RNFT2: variants seen among roughly 807,000 people sequenced by gnomAD.
RNFT2 encodes ring finger protein, transmembrane 2, also known as E3 ubiquitin-protein ligase RNFT2.
A neutral mutation model predicts 53.0 loss-of-function variants in RNFT2; 36 were observed. The observed-to-expected ratio is 0.68, with a 90% confidence interval of 0.52 to 0.90. The LOEUF (loss-of-function observed/expected upper bound fraction) is 0.90, where lower values mean the gene tolerates loss of function less well. Ranked by LOEUF, RNFT2 falls within the 40% of genes least tolerant of loss-of-function variation. RNFT2 has a pLI of 0.00. For missense variants in RNFT2, 514 were observed against 585.6 expected (o/e 0.88, Z 1.26); for synonymous variants, 260 against 253.2 (o/e 1.03, Z -0.26).
At chr12:116,806,615 G>A (rs936845851) in intron 7 of RNFT2, among the ~76,000 whole-genome samples, 5 of 151,556 alleles carry the variant, frequency 3.3e-5, no homozygotes, top group East Asian at 1.9e-4. Context: ...AGCTGAGCAC[G>A]GCGGTGCACA....
chr12:116,780,131 C>T (rs1481724400), intron 7 of RNFT2, among the ~76,000 whole-genome samples: 2 of 152,176 alleles, frequency 1.3e-5, no homozygotes, highest in East Asian at 1.9e-4. Flanking sequence ...AAGTGACCAT[C>T]GATCTTGAGT....
At chr12:116,834,151 C>T (rs1196496165) in intron 8 of RNFT2, among the ~76,000 whole-genome samples, 1 of 152,152 alleles carries the variant, frequency 6.6e-6, no homozygotes, top group Non-Finnish European at 1.5e-5. Context: ...TAGAGTCTCA[C>T]TCTGTCTCCC....
Position 116,751,130 on chromosome 12 carries a change from G to A in RNFT2, c.550+823G>A, listed in dbSNP as rs563912994. 2.3e-4 allele frequency among the ~76,000 whole-genome samples: 34 copies of A among 151,038 alleles called. No individual in the cohort carries two copies. In the Middle Eastern group the frequency reaches 0.01, roughly 46 times the overall value. On this transcript the variant is annotated intron_variant, in intron 4 of 10. Coordinates refer to ENST00000257575, the MANE Select transcript of RNFT2 (RefSeq NM_001382266.1). ...GAAGTCTCACTATATTGCCCAGGCT[G>A]GTCTCAAATTCCTGGGCTCAAGCAA...
intron 4 of RNFT2, 30 bp downstream of exon 4, chr12:116,750,337 C>A: frequency 6.4e-7 from 1 of 1,567,890 alleles, no homozygotes; most frequent in Admixed American, 1.8e-5. Context: ...GTGTCCTAGC[C>A]ATGGGCTTCA....
chr12:116,754,204 T>A, intron 5 of RNFT2, 144 bp downstream of exon 5: 2 of 667,108 alleles, frequency 3.0e-6, no homozygotes, highest in South Asian at 3.4e-5. Flanking sequence ...CACATATCAG[T>A]GAGAACGTAC....
At position 116,841,948 on chromosome 12, in the gene RNFT2, A is replaced by AAT. The variant is rs1337261582; in HGVS notation, c.1200+5676_1200+5677dup. Among the ~76,000 whole-genome samples the AAT allele has an allele frequency of 3.5e-3, 79 of 22,612 alleles. 2 individuals are homozygous for AAT. Among genetic ancestry groups the AAT allele is most frequent in the Admixed American group, 5.5e-3 (6 of 1,100 alleles). The allele number at this position is 22,612 out of a possible 152,430, so 14.8% of individuals were successfully genotyped here. Reference sequence around the variant, plus strand: ...ATATATATATATAAATATATATATAAATATATATATAGAGAGAGAGAGAGA... The same window carrying AAT: ...ATATATATATATAAATATATATATAAATATATATATATAGAGAGAGAGAGAGA... On this transcript the variant is annotated intron_variant, in intron 10 of 10. Coordinates refer to ENST00000257575, the MANE Select transcript of RNFT2 (RefSeq NM_001382266.1).
At chr12:116,753,654 G>A (rs4612912) in intron 4 of RNFT2, among the ~76,000 whole-genome samples, 144,088 of 152,174 alleles carry the variant, frequency 0.95, 68,223 homozygotes, top group Admixed American at 0.96. Flanking sequence ...AGAGAGGTGC[G>A]GTGACTTGCC....
chr12:116,823,090 A>G (rs952022912), intron 7 of RNFT2, among the ~76,000 whole-genome samples: 2 of 152,212 alleles, frequency 1.3e-5, no homozygotes, highest in African/African-American at 2.4e-5. Context: ...GGATCCAGGA[A>G]TCCTTGAAGC....
Position 116,766,774 on chromosome 12 carries a change from A to G in RNFT2, c.628-40A>G, listed in dbSNP as rs372398448. 15 of 1,471,250 alleles carry G rather than the reference A, an allele frequency of 1.0e-5. No individual in the cohort carries two copies. In the African/African-American group the frequency reaches 1.8e-4, roughly 18 times the overall value. 91.1% of individuals were successfully genotyped at this position (1,471,250 alleles called of 1,614,324 possible). On this transcript the variant is annotated intron_variant, in intron 5 of 10. Coordinates refer to ENST00000257575, the MANE Select transcript of RNFT2 (RefSeq NM_001382266.1). Reference sequence around the variant, plus strand: ...GGTACATTCTGGAAGGTTCTGCCACATGCACCTTTGATATCACATATCTCT... The same window carrying G: ...GGTACATTCTGGAAGGTTCTGCCACGTGCACCTTTGATATCACATATCTCT...
At chr12:116,785,249 C>CGTGTGTGTGTGTGTGTGTGTG (rs71442998) in intron 7 of RNFT2, among the ~76,000 whole-genome samples, 11 of 139,082 alleles carry the variant, frequency 7.9e-5, no homozygotes, top group African/African-American at 3.0e-4. Context: ...TTACCTACTT[C>CGTGTGTGTGTGTGTGTGTGTG]TGTGTGTGTG....
intron 6 of RNFT2, among the ~76,000 whole-genome samples, chr12:116,778,903 A>G (rs1310890228): frequency 6.6e-6 from 1 of 152,190 alleles, no homozygotes; most frequent in East Asian, 1.9e-4. Flanking sequence ...TACCCAGCCT[A>G]AGGTATTCTG....
chr12:116,789,997 C>A (rs1874160936), intron 7 of RNFT2, among the ~76,000 whole-genome samples: 2 of 83,560 alleles, frequency 2.4e-5, no homozygotes, highest in South Asian at 3.8e-4. Flanking sequence ...GATGGATAGT[C>A]TAATCAGTTG....
chr12:116,740,983 A>G, intron 2 of RNFT2, 53 bp from the exon 3 acceptor site: 1 of 1,501,652 alleles, frequency 6.7e-7, no homozygotes, highest in Non-Finnish European at 9.2e-7. Flanking sequence ...TGGCAATCTG[A>G]CAGGCAGTGG....
chr12:116,794,380 T>C (rs529037076), intron 7 of RNFT2, among the ~76,000 whole-genome samples: 251 of 151,568 alleles, frequency 1.7e-3, no homozygotes, highest in African/African-American at 5.9e-3. Context: ...GGCGGATCCC[T>C]TGAGGTCAGG....
intron 7 of RNFT2, among the ~76,000 whole-genome samples, chr12:116,828,477 C>A (rs1211600300): frequency 1.3e-5 from 2 of 152,162 alleles, no homozygotes; most frequent in Non-Finnish European, 2.9e-5. Context: ...CTCACATTCA[C>A]CTCTAGCAGA....
At chr12:116,757,701 T>A (rs2137085458) in intron 5 of RNFT2, among the ~76,000 whole-genome samples, 1 of 152,348 alleles carries the variant, frequency 6.6e-6, no homozygotes, top group Middle Eastern at 3.4e-3. Flanking sequence ...TGATATAATT[T>A]CAATTTTCTT....
At position 116,849,416 on chromosome 12, in the gene RNFT2, G is replaced by A. The variant is rs767636195; in HGVS notation, c.1303G>A (p.Gly435Ser). ...GGACACCCTGCGCTGCTGGAAGGACGGCGCCACGTCCGCACACTTCCAGGT... is the reference window on the plus strand; with the variant it reads ...GGACACCCTGCGCTGCTGGAAGGACAGCGCCACGTCCGCACACTTCCAGGT... ...AVDTLRCWKD[G>S]ATSAHFQVY Residue 435 changes from glycine to serine, a missense_variant, in exon 11 of 11, where the codon GGC becomes AGC. Coordinates refer to ENST00000257575, the MANE Select transcript of RNFT2 (RefSeq NM_001382266.1). 14 of 1,587,708 alleles carry A rather than the reference G, an allele frequency of 8.8e-6. No homozygotes were observed. The highest frequency in any genetic ancestry group is 8.7e-5 in the Admixed American group (5 of 57,318).
chr12:116,747,063 TACTTA>T (rs745792964), intron 3 of RNFT2, among the ~76,000 whole-genome samples: 177 of 152,316 alleles, frequency 1.2e-3, no homozygotes, highest in Non-Finnish European at 2.0e-3. Flanking sequence ...TTTATTCATT[TACTTA>T]TTTATTGAGA....
At chr12:116,782,345 T>G (rs1592955321) in intron 7 of RNFT2, 1 of 151,860 alleles carries the variant, frequency 6.6e-6, no homozygotes, top group Non-Finnish European at 1.5e-5. Context: ...ATAAGCCTGC[T>G]GGCGAGACAC....
Sources: gnomAD v4.1 joint callset for allele counts (sites outside exome capture counted in the v4.1 genomes callset) on GRCh38, gnomAD v4.1.1 for gene constraint, MANE v1.5 for transcripts, NCBI Gene and HGNC (gene_info 2026-07-23, HGNC 2026-07-21) for gene names.